Variants in CLSTN2 observed in about 807,000 individuals in gnomAD.
CLSTN2 encodes calsyntenin-2.
CLSTN2 carries 48 observed loss-of-function variants against 101.2 expected under a neutral mutation model. The observed-to-expected ratio is 0.47, with a 90% CI of 0.38 to 0.60. CLSTN2 has a LOEUF of 0.60. Ranked by LOEUF, CLSTN2 falls within the 20% of genes least tolerant of loss-of-function variation. The pLI is 0.00. For synonymous variants in CLSTN2, 481 were observed against 463.6 expected, an observed-to-expected ratio of 1.04 and a Z score of -0.48; for missense variants, 1,160 against 1,238.2, an observed-to-expected ratio of 0.94 and a Z score of 0.95.
intron 1 of CLSTN2, among the ~76,000 whole-genome samples, chr3:139,980,057 CA>C (rs1006950902): frequency 3.3e-5 from 5 of 152,050 alleles, no homozygotes; most frequent in Non-Finnish European, 7.4e-5. Flanking sequence ...TTAGTGAACA[CA>C]ACAAAGACCT....
At chr3:140,034,684 G>C (rs539844847) in intron 1 of CLSTN2, among the ~76,000 whole-genome samples, 1 of 151,822 alleles carries the variant, frequency 6.6e-6, no homozygotes, top group East Asian at 1.9e-4. Context: ...CAGGGAGGGC[G>C]GGGAGGAGAA....
At chr3:139,989,388 A>G (rs1410982051) in intron 1 of CLSTN2, among the ~76,000 whole-genome samples, 2 of 151,988 alleles carry the variant, frequency 1.3e-5, no homozygotes, top group Non-Finnish European at 2.9e-5. Flanking sequence ...TGCATTTCTG[A>G]GGCCTTTCAC....
chr3:139,990,431 C>T (rs1234356248), intron 1 of CLSTN2, among the ~76,000 whole-genome samples: 7 of 152,110 alleles, frequency 4.6e-5, no homozygotes, highest in Admixed American at 4.6e-4. Flanking sequence ...GGACCCGCCC[C>T]CTTACTTCAT....
At chr3:140,090,897 A>T in intron 1 of CLSTN2, among the ~76,000 whole-genome samples, 1 of 152,278 alleles carries the variant, frequency 6.6e-6, no homozygotes. Flanking sequence ...AGGAAGTTAG[A>T]GGCCTTCAAA....
intron 2 of CLSTN2, among the ~76,000 whole-genome samples, chr3:140,267,342 A>C (rs2086703805): frequency 6.6e-6 from 1 of 152,072 alleles, no homozygotes. Flanking sequence ...CTCTAAAACT[A>C]CTCTGTAAGG....
At chr3:140,145,414 A>G (rs1312903071) in intron 1 of CLSTN2, among the ~76,000 whole-genome samples, 2 of 152,250 alleles carry the variant, frequency 1.3e-5, no homozygotes, top group Non-Finnish European at 2.9e-5. Flanking sequence ...TCCGCCCGGC[A>G]CACATGGGCA....
chr3:140,466,597 T>C lies in CLSTN2; in HGVS notation c.1223-13T>C. 1 of 1,614,080 alleles carries C rather than the reference T, an allele frequency of 6.2e-7. No individual in the cohort carries two copies. Among genetic ancestry groups the C allele is most frequent in the South Asian group, 1.1e-5 (1 of 91,076 alleles). On this transcript the variant is annotated splice_polypyrimidine_tract_variant and intron_variant, in intron 7 of 16. Transcript: ENST00000458420. ...GGTTCTCTCACTCTTCAAACCTTCT[T>C]TCTGCTTTTCAGAAATGAACCGGCA...
At chr3:140,537,157 G>A (rs1364326917) in intron 9 of CLSTN2, among the ~76,000 whole-genome samples, 1 of 152,134 alleles carries the variant, frequency 6.6e-6, no homozygotes, top group African/African-American at 2.4e-5. Context: ...TGCTTTTGAG[G>A]TTGGCAAGGG....
At chr3:140,177,871 A>G (rs1348827003) in intron 2 of CLSTN2, among the ~76,000 whole-genome samples, 1 of 152,182 alleles carries the variant, frequency 6.6e-6, no homozygotes, top group African/African-American at 2.4e-5. Context: ...TCTGAAATAC[A>G]CAGCTGAATA....
chr3:140,406,264 G>A (rs187887373), intron 4 of CLSTN2, among the ~76,000 whole-genome samples: 1 of 152,232 alleles, frequency 6.6e-6, no homozygotes, highest in Non-Finnish European at 1.5e-5. Flanking sequence ...GACTGCGGCA[G>A]ATGCCATAGG....
intron 1 of CLSTN2, among the ~76,000 whole-genome samples, chr3:140,108,750 T>C (rs1422676890): frequency 6.6e-6 from 1 of 152,210 alleles, no homozygotes; most frequent in Non-Finnish European, 1.5e-5. Flanking sequence ...CCCTATTTCT[T>C]CTAGTAAGAA....
chr3:140,363,066 A>G lies in CLSTN2; in HGVS notation c.233-40563A>G, dbSNP rs918007127. On this transcript the variant is annotated intron_variant, in intron 2 of 16. Transcript: ENST00000458420. ...GAAGTATTATTTATAGTAGCCCAAA[A>G]GTTAACCAAAATGTCCATCAACTGT... Among the ~76,000 whole-genome samples, 3 of 152,226 alleles carry G rather than the reference A, an allele frequency of 2.0e-5. No homozygotes were observed. The East Asian group carries it at 5.8e-4, about 29-fold the overall frequency.
chr3:140,396,705 C>T (rs2088186328), intron 2 of CLSTN2, among the ~76,000 whole-genome samples: 1 of 152,146 alleles, frequency 6.6e-6, no homozygotes, highest in South Asian at 2.1e-4. Context: ...TTTCCCCAGC[C>T]CCCCAACAAT....
At chr3:140,060,840 T>G (rs563408267) in intron 1 of CLSTN2, among the ~76,000 whole-genome samples, 1 of 152,222 alleles carries the variant, frequency 6.6e-6, no homozygotes, top group Non-Finnish European at 1.5e-5. Context: ...GGTGTGCTAT[T>G]TCTTTTATTC....
chr3:140,525,940 C>A (rs1335108586), intron 8 of CLSTN2, among the ~76,000 whole-genome samples: 2 of 152,050 alleles, frequency 1.3e-5, no homozygotes, highest in East Asian at 3.9e-4. Context: ...TAAAGGCCAT[C>A]TATGACAAAC....
intron 1 of CLSTN2, among the ~76,000 whole-genome samples, chr3:140,043,764 C>A (rs1254839577): frequency 6.6e-6 from 1 of 152,132 alleles, no homozygotes; most frequent in Non-Finnish European, 1.5e-5. Flanking sequence ...TTTCCTAGCA[C>A]CATTTATTAA....
chr3:140,347,636 T>C (rs1369695307), intron 2 of CLSTN2, among the ~76,000 whole-genome samples: 1 of 152,162 alleles, frequency 6.6e-6, no homozygotes, highest in Non-Finnish European at 1.5e-5. Context: ...TTTCACAATC[T>C]CCAGGTAGTA....
At chr3:140,150,615 C>T (rs969124845) in intron 1 of CLSTN2, among the ~76,000 whole-genome samples, 3 of 152,122 alleles carry the variant, frequency 2.0e-5, no homozygotes, top group African/African-American at 7.2e-5. Flanking sequence ...ATATAAAGGC[C>T]CATCCATCTT....
intron 2 of CLSTN2, among the ~76,000 whole-genome samples, chr3:140,239,863 A>G (rs1335571294): frequency 6.6e-6 from 1 of 151,866 alleles, no homozygotes; most frequent in South Asian, 2.1e-4. Flanking sequence ...GTATGTATGT[A>G]TATATATCTG....
Sources: allele counts gnomAD v4.1 joint callset (sites outside exome capture counted in the v4.1 genomes callset), GRCh38; gene constraint gnomAD v4.1.1; transcripts MANE v1.5; gene names NCBI Gene and HGNC (gene_info 2026-07-23, HGNC 2026-07-21).